Variants in DNA2 observed in about 807,000 individuals in gnomAD.
DNA2 encodes DNA replication ATP-dependent helicase/nuclease DNA2.
In DNA2, 101 loss-of-function variants were observed where a neutral mutation model predicts 119.1. The observed-to-expected ratio is 0.85, with a 90% CI of 0.72 to 1.00. DNA2 has a LOEUF of 1.00. DNA2 is among the 50% of genes least tolerant of loss of function. DNA2 has a pLI of 0.00. For missense variants in DNA2, 1,121 were observed against 1,255.5 expected, an observed-to-expected ratio of 0.89 and a Z score of 1.62; for synonymous variants, 366 against 424.4, an observed-to-expected ratio of 0.86 and a Z score of 1.69.
chr10:68,415,555 C>T (rs1047877529), intron 20 of DNA2, among the ~76,000 whole-genome samples: 9 of 151,896 alleles, frequency 5.9e-5, no homozygotes, highest in African/African-American at 1.7e-4. Context: ...GGATTACAAG[C>T]GTGAGCCACC....
At chr10:68,426,022 G>A (rs1450727253) in intron 14 of DNA2, among the ~76,000 whole-genome samples, 1 of 151,748 alleles carries the variant, frequency 6.6e-6, no homozygotes, top group Non-Finnish European at 1.5e-5. Flanking sequence ...TGTAGTCCCA[G>A]CTACTTGGGA....
chr10:68,419,006 G>T, intron 19 of DNA2, 28 bp downstream of exon 19: 1 of 1,551,064 alleles, frequency 6.4e-7, no homozygotes, highest in South Asian at 1.2e-5. Context: ...TGCCCCAAAT[G>T]AATCAGTAGC....
At chr10:68,438,803 G>A (rs1471033911) in intron 9 of DNA2, among the ~76,000 whole-genome samples, 2 of 152,206 alleles carry the variant, frequency 1.3e-5, no homozygotes, top group African/African-American at 4.8e-5. Flanking sequence ...GGAGGCTGAG[G>A]TGGGCAGATG....
intron 5 of DNA2, among the ~76,000 whole-genome samples, chr10:68,457,279 C>T (rs970176770): frequency 4.6e-5 from 7 of 152,204 alleles, no homozygotes; most frequent in African/African-American, 1.2e-4. Context: ...CTAGCCATCA[C>T]ACTAGTTCGC....
chr10:68,461,039 A>C (rs2052251332), intron 4 of DNA2, among the ~76,000 whole-genome samples: 1 of 152,180 alleles, frequency 6.6e-6, no homozygotes, highest in Non-Finnish European at 1.5e-5. Flanking sequence ...AAAAATGGAG[A>C]TATTGCTCCT....
Position 68,450,063 on chromosome 10 carries a change from C to A in DNA2, c.904G>T (p.Gly302Cys), listed in dbSNP as rs759883980. The change falls in exon 6 of 21, where the codon GGC becomes TGC. Residue 302 changes from glycine (G) to cysteine (C), a missense_variant. Gly to Cys is a radical substitution (Grantham distance 159). Transcript: ENST00000358410. ...YKIMPLELKTGKESNSIEHRS... is the reference protein window; with the variant it reads ...YKIMPLELKTCKESNSIEHRS... The stretch of plus-strand genomic sequence containing the variant: ...TGTTCAATAGAATTTGATTCTTTGC[C>A]AGTTTTAAGTTCCAGCGGCATTATC... 1.3e-6 allele frequency: 2 copies of A among 1,599,744 alleles called. No homozygotes were observed. Among genetic ancestry groups the A allele is most frequent in the Non-Finnish European group, 8.5e-7 (1 of 1,172,266 alleles).
rs2051842832 is a variant in DNA2, at chr10:68,433,063, A to G, written c.1647-553T>C. On this transcript the variant is annotated intron_variant, in intron 10 of 20. Transcript: ENST00000358410. Reference sequence around the variant, plus strand: ...TTCCTCACCCAAGCTTTGGGTTTGGATATTTAGTAGGCAGTGAGATCTCTC... The same window carrying G: ...TTCCTCACCCAAGCTTTGGGTTTGGGTATTTAGTAGGCAGTGAGATCTCTC... Among the ~76,000 whole-genome samples, 7 of 152,076 alleles carry G rather than the reference A, an allele frequency of 4.6e-5. 1 individual carries two copies. Among genetic ancestry groups the G allele is most frequent in the Admixed American group, 3.9e-4 (6 of 15,244 alleles).
chr10:68,466,012 T>C (rs1016682976), intron 3 of DNA2, among the ~76,000 whole-genome samples, 200 bp from the exon 4 acceptor site: 1 of 152,142 alleles, frequency 6.6e-6, no homozygotes, highest in African/African-American at 2.4e-5. Flanking sequence ...AATTACTGTA[T>C]GAGTTATCCT....
chr10:68,424,097 G>A (rs961857014), intron 14 of DNA2, among the ~76,000 whole-genome samples: 4 of 152,058 alleles, frequency 2.6e-5, no homozygotes, highest in Admixed American at 6.6e-5. Context: ...AAGCAGCCAC[G>A]GTAACAACAT....
At chr10:68,421,206 G>A (rs1426146956) in intron 17 of DNA2, among the ~76,000 whole-genome samples, 5 of 152,066 alleles carry the variant, frequency 3.3e-5, no homozygotes, top group Non-Finnish European at 7.4e-5. Context: ...AAAGTACTGG[G>A]ATTACAGGAG....
Position 68,419,036 on chromosome 10 carries a change from T to C in DNA2, c.2965A>G (p.Thr989Ala), listed in dbSNP as rs774147958. 2.5e-6 allele frequency: 4 copies of C among 1,594,778 alleles called. No homozygotes were observed. In the East Asian group the frequency reaches 6.8e-5, roughly 27 times the overall value. The change falls in exon 19 of 21, where the codon ACT becomes GCT. Residue 989 changes from threonine to alanine, a missense_variant and splice_region_variant. Transcript: ENST00000358410. ...VSFVRSNKDG[T>A]VGELLKDWRR... is the part of the protein sequence containing the mutation. Reference sequence around the variant, plus strand: ...AGTAGCAAACACAATTAACTCACAGTTCCATCCTTATTACTTCTAACAAAA... The same window carrying C: ...AGTAGCAAACACAATTAACTCACAGCTCCATCCTTATTACTTCTAACAAAA...
At position 68,470,075 on chromosome 10, in the gene DNA2, C is replaced by G; in HGVS notation, c.163G>C (p.Val55Leu). 6.2e-7 allele frequency: 1 copy of G among 1,613,878 alleles called. No individual in the cohort carries two copies. Among genetic ancestry groups the G allele is most frequent in the Non-Finnish European group, 8.5e-7 (1 of 1,179,868 alleles). The change falls in exon 2 of 21, where the codon GTA becomes CTA. Residue 55 changes from valine (V) to leucine (L), a missense_variant. By Grantham distance (32) the Val-to-Leu change is conservative (BLOSUM62 1). Coordinates refer to ENST00000358410, the MANE Select transcript of DNA2 (RefSeq NM_001080449.3). The part of the protein sequence containing the change: ...NRYLVLAVNT[V>L]QNKEGNCEKR... ...TCACAGTTTCCCTCTTTGTTCTGTACAGTATTGACTGCCAACACCAGGTAC... is the reference window on the plus strand; with the variant it reads ...TCACAGTTTCCCTCTTTGTTCTGTAGAGTATTGACTGCCAACACCAGGTAC...
At chr10:68,468,454 C>A in intron 2 of DNA2, 148 bp from the exon 3 acceptor site, 2 of 530,702 alleles carry the variant, frequency 3.8e-6, no homozygotes, top group Non-Finnish European at 6.1e-6. Flanking sequence ...AAAAAAAAAT[C>A]AAATAGCAGG....
intron 14 of DNA2, among the ~76,000 whole-genome samples, chr10:68,426,599 G>C (rs1035221298): frequency 4.6e-5 from 7 of 151,686 alleles, no homozygotes; most frequent in Admixed American, 4.6e-4. Flanking sequence ...ACTTTGGGAG[G>C]CCAAGGCAGG....
rs1306710455 is a variant in DNA2, at chr10:68,443,022, T to C, written c.1310A>G (p.His437Arg). Reference sequence around the variant, plus strand: ...ACACCAAAGGCTGAAATATTCTAAGTGTGTTTGCTTCAGATGCTGGGTTTC... The same window carrying C: ...ACACCAAAGGCTGAAATATTCTAAGCGTGTTTGCTTCAGATGCTGGGTTTC... ...EEETQHLKQT[H>R]LEYFSLWCLM... The change falls in exon 9 of 21, where the codon CAC becomes CGC. Residue 437 changes from histidine (H) to arginine (R), a missense_variant. His to Arg is a conservative substitution (Grantham distance 29). Transcript: ENST00000358410. 1 of 1,608,272 alleles carries C rather than the reference T, an allele frequency of 6.2e-7. No individual in the cohort carries two copies. Among genetic ancestry groups the C allele is most frequent in the Admixed American group, 1.7e-5 (1 of 58,898 alleles).
chr10:68,451,962 TA>T (rs75679260), intron 5 of DNA2, among the ~76,000 whole-genome samples: 12,454 of 148,522 alleles, frequency 0.084, 651 homozygotes, highest in East Asian at 0.26. Flanking sequence ...TAATTTTTTA[TA>T]AAAAAAAAAC....
chr10:68,451,090 A>G (rs892539598), intron 5 of DNA2, among the ~76,000 whole-genome samples: 46 of 141,074 alleles, frequency 3.3e-4, no homozygotes, highest in African/African-American at 1.2e-3. Flanking sequence ...ACAGAACAAG[A>G]CTGTCTAAAA....
At chr10:68,456,331 C>T (rs1338430597) in intron 5 of DNA2, among the ~76,000 whole-genome samples, 3 of 152,214 alleles carry the variant, frequency 2.0e-5, no homozygotes, top group African/African-American at 7.2e-5. Context: ...CTGGGATTCA[C>T]ATCCAGGCTC....
At chr10:68,444,241 T>G (rs1466488164) in intron 8 of DNA2, among the ~76,000 whole-genome samples, 1 of 151,050 alleles carries the variant, frequency 6.6e-6, no homozygotes, top group Non-Finnish European at 1.5e-5. Context: ...AATACAAAAA[T>G]TAGCTGGGTG....
Sources: gnomAD v4.1 joint callset for allele counts (sites outside exome capture counted in the v4.1 genomes callset) on GRCh38, gnomAD v4.1.1 for gene constraint, MANE v1.5 for transcripts, NCBI Gene and HGNC (gene_info 2026-07-23, HGNC 2026-07-21) for gene names.